RTKN: variants seen among roughly 807,000 people sequenced by gnomAD.
RTKN encodes rhotekin.
A neutral mutation model predicts 63.5 loss-of-function variants in RTKN; 49 were observed. That is an observed-to-expected ratio of 0.77 (90% confidence interval 0.61 to 0.98). The LOEUF is 0.98. Ranked by LOEUF, RTKN falls within the 50% of genes least tolerant of loss-of-function variation. The probability of loss-of-function intolerance (pLI) is 0.00; values close to 1 mark genes in which losing one functional copy is unlikely to be tolerated. For missense variants in RTKN, 685 were observed against 740.8 expected, an observed-to-expected ratio of 0.92 and a Z score of 0.87; for synonymous variants, 295 against 290.4, an observed-to-expected ratio of 1.02 and a Z score of -0.16.
chr2:74,427,701 G>A (rs907742148), intron 9 of RTKN, 109 bp from the exon 10 acceptor site: 21 of 1,250,712 alleles, frequency 1.7e-5, no homozygotes, highest in Non-Finnish European at 2.4e-5. Flanking sequence ...CTTTTGCTGA[G>A]CCCTCTCATT....
chr2:74,441,888 T>C lies in RTKN; in HGVS notation c.-72A>G, dbSNP rs1671389401. The stretch of plus-strand genomic sequence containing the variant: ...CCCGGCTTAGCCTCCTCTCCTCGGC[T>C]TCTGTCTCTCGACGCTCGTCCGCCA... On this transcript the variant is annotated 5_prime_UTR_variant, in exon 1 of 12. Transcript: ENST00000272430. The C allele has an allele frequency of 1.1e-6, 1 of 909,432 alleles. No homozygotes were observed. Among genetic ancestry groups the C allele is most frequent in the Non-Finnish European group, 1.7e-6 (1 of 577,926 alleles). The allele number at this position is 909,432 out of a possible 1,614,324, so 56.3% of individuals were successfully genotyped here. A position where few individuals can be genotyped will look rare whatever the true frequency, so the allele number is the denominator to read the frequency against.
intron 1 of RTKN, chr2:74,440,411 C>T (rs1671300603): frequency 6.1e-6 from 6 of 986,452 alleles, no homozygotes; most frequent in African/African-American, 1.7e-5. Flanking sequence ...TGCCTGTCTG[C>T]TGCTGTCCCC....
Position 74,429,821 on chromosome 2 carries a change from G to A in RTKN, c.755+7C>T, listed in dbSNP as rs762053320. ...GCTGAGGGTGGTGTCGGTGTGCAAG[G>A]CCTTACCCAACAACTGGGGTGGGGA... On this transcript the variant is annotated splice_region_variant and intron_variant, in intron 6 of 11. Transcript: ENST00000272430. 3 of 1,612,208 alleles carry A rather than the reference G, an allele frequency of 1.9e-6. No individual in the cohort carries two copies.
chr2:74,429,011 A>G, intron 6 of RTKN, 69 bp from the exon 7 acceptor site: 1 of 1,250,712 alleles, frequency 8.0e-7, no homozygotes, highest in Non-Finnish European at 1.2e-6. Context: ...CTAAGGGCTG[A>G]GCAGATCTGC....
chr2:74,433,907 T>C (rs1439284359), intron 1 of RTKN, among the ~76,000 whole-genome samples: 1 of 152,154 alleles, frequency 6.6e-6, no homozygotes, highest in African/African-American at 2.4e-5. Context: ...GAAAGAGATA[T>C]GCACATGTAT....
chr2:74,441,453 A>G (rs986369612), intron 1 of RTKN, among the ~76,000 whole-genome samples: 2 of 152,198 alleles, frequency 1.3e-5, no homozygotes, highest in African/African-American at 4.8e-5. Context: ...GGGCCCTACA[A>G]ATTGAGACCA....
At chr2:74,428,773 A>T in intron 7 of RTKN, 36 bp from the exon 8 acceptor site, 2 of 1,605,842 alleles carry the variant, frequency 1.2e-6, no homozygotes, top group Non-Finnish European at 1.7e-6. Context: ...AGGTAGGGGA[A>T]TGAGAAGGGG....
At chr2:74,432,336 C>G in intron 2 of RTKN, 131 bp downstream of exon 2, 1 of 919,102 alleles carries the variant, frequency 1.1e-6, no homozygotes, top group Non-Finnish European at 1.8e-6. Context: ...AAGGTCTCTC[C>G]CAGGTCCCTG....
intron 1 of RTKN, chr2:74,439,443 TA>T: frequency 7.8e-7 from 1 of 1,278,056 alleles, no homozygotes; most frequent in Non-Finnish European, 1.1e-6. Context: ...CTTCCCACTT[TA>T]AGCAGGCCTG....
chr2:74,427,365 G>T (rs199988994), intron 10 of RTKN, 59 bp downstream of exon 10: 1 of 1,608,018 alleles, frequency 6.2e-7, no homozygotes, highest in Admixed American at 1.7e-5. Context: ...GAGGCCTTTA[G>T]TAAAAATGAC....
intron 1 of RTKN, chr2:74,440,688 G>T: frequency 2.2e-6 from 1 of 454,572 alleles, no homozygotes; most frequent in South Asian, 9.4e-5. Flanking sequence ...CGGGTTCCTC[G>T]GGCCCAGTCG....
In RTKN at chr2:74,428,250, T is replaced by C; in HGVS notation, c.1086+18A>G. ...GGGCCTGTGCCCTTGGTGGCCTTAC[T>C]ACCAAGGGACCCATCACCTTGTTGA... On this transcript the variant is annotated intron_variant, in intron 9 of 11. Coordinates refer to ENST00000272430, the MANE Select transcript of RTKN (RefSeq NM_001015055.2). 6.2e-7 allele frequency: 1 copy of C among 1,614,094 alleles called. No homozygotes were observed. Among genetic ancestry groups the C allele is most frequent in the Non-Finnish European group, 8.5e-7 (1 of 1,179,982 alleles).
At position 74,428,403 on chromosome 2, in the gene RTKN, A is replaced by C; in HGVS notation, c.958-7T>G. 6.2e-7 allele frequency: 1 copy of C among 1,614,146 alleles called. No individual in the cohort carries two copies. The highest frequency in any genetic ancestry group is 1.1e-5 in the South Asian group (1 of 91,082). On this transcript the variant is annotated splice_polypyrimidine_tract_variant and splice_region_variant and intron_variant, in intron 8 of 11. Coordinates refer to ENST00000272430, the MANE Select transcript of RTKN (RefSeq NM_001015055.2). ...TCTGCATCTCCCCAGCTTGCTGCAC[A>C]AATGACTCAACATTTTCTGGGGAAG...
Position 74,426,583 on chromosome 2 carries a change from C to T in RTKN, c.1361-9G>A. ...ATCCAGCGGCTCAATAGCTGTGGCA[C>T]CAGGAAGGGGTTGGGGGAGGGTTGG... is the stretch of plus-strand genomic sequence containing the variant. On this transcript the variant is annotated splice_polypyrimidine_tract_variant and intron_variant, in intron 11 of 11. Coordinates refer to ENST00000272430, the MANE Select transcript of RTKN (RefSeq NM_001015055.2). The T allele has an allele frequency of 6.6e-7, 1 of 1,522,720 alleles. No homozygotes were observed. Among genetic ancestry groups the T allele is most frequent in the Non-Finnish European group, 8.8e-7 (1 of 1,133,536 alleles). 94.3% of individuals were successfully genotyped at this position (1,522,720 alleles called of 1,614,324 possible). A position where few individuals can be genotyped will look rare whatever the true frequency, so the allele number is the denominator to read the frequency against.
Position 74,432,409 on chromosome 2 carries a change from C to T in RTKN, c.311+58G>A, listed in dbSNP as rs746286579. The T allele has an allele frequency of 1.7e-5, 26 of 1,504,004 alleles. No homozygotes were observed. In the East Asian group the frequency reaches 4.5e-4, roughly 26 times the overall value. The allele number at this position is 1,504,004 out of a possible 1,614,324, so 93.2% of individuals were successfully genotyped here. A position where few individuals can be genotyped will look rare whatever the true frequency, so the allele number is the denominator to read the frequency against. On this transcript the variant is annotated intron_variant, in intron 2 of 11. Transcript: ENST00000272430. Reference sequence around the variant, plus strand: ...ACATGCCACACACGCACATGCTGCACCACCACCACCCAGAAGGCCTCCTGC... The same window carrying T: ...ACATGCCACACACGCACATGCTGCATCACCACCACCCAGAAGGCCTCCTGC...
intron 9 of RTKN, 102 bp from the exon 10 acceptor site, chr2:74,427,694 T>C: frequency 1.5e-6 from 2 of 1,293,880 alleles, no homozygotes; most frequent in Non-Finnish European, 2.2e-6. Flanking sequence ...TGTGGGGCTT[T>C]TGCTGAGCCC....
At position 74,427,750 on chromosome 2, in the gene RTKN, A is replaced by G. The variant is rs79171909; in HGVS notation, c.1087-158T>C. 5,208 of 709,848 alleles carry G rather than the reference A, an allele frequency of 7.3e-3. 55 individuals carry two copies. The highest frequency in any genetic ancestry group is 0.028 in the African/African-American group (1,557 of 56,248). 44.0% of individuals were successfully genotyped at this position (709,848 alleles called of 1,614,324 possible). A position where few individuals can be genotyped will look rare whatever the true frequency, so the allele number is the denominator to read the frequency against. ...CCAGAGTAGGAAGGAATGGCAAAAA[A>G]GGGCTGGGGATGAGACAGCCAGTCC... On this transcript the variant is annotated intron_variant, in intron 9 of 11. Coordinates refer to ENST00000272430, the MANE Select transcript of RTKN (RefSeq NM_001015055.2).
chr2:74,439,903 G>A, intron 1 of RTKN: 1 of 1,266,590 alleles, frequency 7.9e-7, no homozygotes, highest in Non-Finnish European at 1.0e-6. Context: ...GGGGTCCCAG[G>A]AGGAAAGGCC....
chr2:74,440,208 AG>A, intron 1 of RTKN: 1 of 463,534 alleles, frequency 2.2e-6, no homozygotes, highest in Non-Finnish European at 2.9e-6. Flanking sequence ...GTTGGGAAAA[AG>A]AGCCACACAG....
Sources: gnomAD v4.1 joint callset for allele counts (sites outside exome capture counted in the v4.1 genomes callset) on GRCh38, gnomAD v4.1.1 for gene constraint, MANE v1.5 for transcripts, NCBI Gene and HGNC (gene_info 2026-07-23, HGNC 2026-07-21) for gene names.